NFYC: variants seen among roughly 807,000 people sequenced by gnomAD.
NFYC encodes the protein nuclear transcription factor Y subunit gamma.
A neutral mutation model predicts 53.1 loss-of-function variants in NFYC; 25 were observed. The observed-to-expected ratio is 0.47, with a 90% CI of 0.34 to 0.66. The LOEUF (loss-of-function observed/expected upper bound fraction) is 0.66. Ranked by LOEUF, NFYC falls within the 30% of genes least tolerant of loss-of-function variation. The pLI is 0.01. For missense variants in NFYC, 260 were observed against 422.7 expected (o/e 0.62, Z 3.38); for synonymous variants, 145 against 152.6 (o/e 0.95, Z 0.37).
At chr1:40,704,686 G>C (rs1167700031) in intron 1 of NFYC, among the ~76,000 whole-genome samples, 1 of 152,238 alleles carries the variant, frequency 6.6e-6, no homozygotes, top group African/African-American at 2.4e-5. Context: ...GACCTTCATA[G>C]AGTGTTAAAG....
chr1:40,744,927 A>G (rs1645532716), intron 2 of NFYC, among the ~76,000 whole-genome samples: 1 of 152,220 alleles, frequency 6.6e-6, no homozygotes, highest in Admixed American at 6.5e-5. Flanking sequence ...AGGATTATAG[A>G]AAACTGGGTG....
intron 1 of NFYC, among the ~76,000 whole-genome samples, chr1:40,733,912 G>T (rs34512220): frequency 0.21 from 32,600 of 151,798 alleles, 4,090 homozygotes; most frequent in South Asian, 0.41. Flanking sequence ...CTCGGCTAAT[G>T]TATTTTGTGT....
chr1:40,726,419 G>GTT (rs1035401177), intron 1 of NFYC, among the ~76,000 whole-genome samples: 1 of 144,052 alleles, frequency 6.9e-6, no homozygotes, highest in Non-Finnish European at 1.5e-5. Context: ...CATCTGGCCT[G>GTT]TTTTTTTTTT....
intron 2 of NFYC, among the ~76,000 whole-genome samples, chr1:40,743,145 A>G (rs966505517): frequency 6.6e-6 from 1 of 152,358 alleles, no homozygotes; most frequent in East Asian, 1.9e-4. Flanking sequence ...GATATATTTC[A>G]TGATGTGTTG....
intron 1 of NFYC, chr1:40,735,788 T>C: frequency 1.0e-6 from 1 of 981,522 alleles, no homozygotes; most frequent in Non-Finnish European, 1.2e-6. Context: ...ATTATTATTA[T>C]TTCCAGAAAG....
intron 1 of NFYC, among the ~76,000 whole-genome samples, chr1:40,731,649 T>C (rs569812893): frequency 6.6e-6 from 1 of 151,884 alleles, no homozygotes; most frequent in African/African-American, 2.4e-5. Context: ...CACACCCAGC[T>C]AATTTTTTAT....
At chr1:40,731,011 G>A (rs539438588) in intron 1 of NFYC, among the ~76,000 whole-genome samples, 5 of 152,166 alleles carry the variant, frequency 3.3e-5, no homozygotes, top group Non-Finnish European at 7.4e-5. Context: ...CTTGCATCCC[G>A]AATATGTGCA....
At chr1:40,739,217 C>T (rs1273407456) in intron 2 of NFYC, among the ~76,000 whole-genome samples, 1 of 152,136 alleles carries the variant, frequency 6.6e-6, no homozygotes. Flanking sequence ...GAGGCATATC[C>T]TTTAGGACTT....
At position 40,719,474 on chromosome 1, in the gene NFYC, C is replaced by T. The variant is rs180701045; in HGVS notation, c.-8-19362C>T. Among the ~76,000 whole-genome samples the T allele has an allele frequency of 2.0e-5, 3 of 152,288 alleles. No homozygotes were observed. In the East Asian group the frequency reaches 5.8e-4, roughly 29 times the overall value. On this transcript the variant is annotated intron_variant, in intron 1 of 9. Coordinates refer to ENST00000447388, the MANE Select transcript of NFYC (RefSeq NM_014223.5). The stretch of plus-strand genomic sequence containing the variant: ...GATAGAGTGACTTCCCATCACCAGG[C>T]CCCCAGAAAGTGAACTTGATCCTTT...
intron 1 of NFYC, among the ~76,000 whole-genome samples, chr1:40,713,828 TC>T (rs1644024702): frequency 6.6e-6 from 1 of 152,232 alleles, no homozygotes; most frequent in Non-Finnish European, 1.5e-5. Flanking sequence ...TTTTGGGACT[TC>T]TGTATAGGCT....
In NFYC at chr1:40,701,446, T is replaced by C. The variant is rs12025903; in HGVS notation, c.-9+9579T>C. 4.6e-4 allele frequency among the ~76,000 whole-genome samples: 70 copies of C among 152,354 alleles called. No individual in the cohort carries two copies. In the East Asian group the frequency reaches 0.013, roughly 28 times the overall value. On this transcript the variant is annotated intron_variant, in intron 1 of 9. Transcript: ENST00000447388. ...TAGCTTCTTGCTTCTGGGCTGCTGC[T>C]ATACCAAACAGGAATGTAATACTTT...
intron 1 of NFYC, among the ~76,000 whole-genome samples, chr1:40,734,159 A>G (rs1644907253): frequency 6.6e-6 from 1 of 152,092 alleles, no homozygotes; most frequent in South Asian, 2.1e-4. Flanking sequence ...GGGATTACAG[A>G]CATAAGCCAC....
At chr1:40,727,689 C>A (rs1174669845) in intron 1 of NFYC, among the ~76,000 whole-genome samples, 1 of 152,004 alleles carries the variant, frequency 6.6e-6, no homozygotes, top group Non-Finnish European at 1.5e-5. Flanking sequence ...CACCACCATG[C>A]CCGGCTAATT....
intron 1 of NFYC, among the ~76,000 whole-genome samples, chr1:40,692,661 A>G (rs1034403700): frequency 9.9e-5 from 15 of 152,136 alleles, no homozygotes; most frequent in Admixed American, 6.5e-4. Flanking sequence ...GCATTCAAAC[A>G]CTGAGGTTTT....
chr1:40,739,478 A>G (rs551222581), intron 2 of NFYC, among the ~76,000 whole-genome samples: 8 of 152,164 alleles, frequency 5.3e-5, no homozygotes, highest in Non-Finnish European at 1.2e-4. Flanking sequence ...TCTTATGCAT[A>G]ACAGCATGTT....
chr1:40,712,904 G>A (rs552348394), intron 1 of NFYC: 1 of 151,274 alleles, frequency 6.6e-6, no homozygotes, highest in African/African-American at 2.4e-5. Flanking sequence ...GTCTTGATTT[G>A]TTGCCCAGGC....
chr1:40,747,867 ACT>A (rs1045569338), intron 3 of NFYC, among the ~76,000 whole-genome samples: 3 of 130,820 alleles, frequency 2.3e-5, no homozygotes, highest in Non-Finnish European at 4.8e-5. Flanking sequence ...TGAGAGTTTT[ACT>A]CTGTTATCCA....
intron 1 of NFYC, among the ~76,000 whole-genome samples, chr1:40,705,890 C>T (rs937085684): frequency 3.9e-5 from 6 of 152,044 alleles, no homozygotes; most frequent in African/African-American, 1.4e-4. Context: ...GGACCACAGG[C>T]GTGTGCCACC....
intron 2 of NFYC, among the ~76,000 whole-genome samples, chr1:40,740,690 G>A (rs891430404): frequency 3.9e-5 from 6 of 152,184 alleles, no homozygotes; most frequent in African/African-American, 7.2e-5. Flanking sequence ...AGGATGGGGT[G>A]TTTTGTTCAT....
Sources: allele counts gnomAD v4.1 joint callset (sites outside exome capture counted in the v4.1 genomes callset), GRCh38; gene constraint gnomAD v4.1.1; transcripts MANE v1.5; gene names NCBI Gene and HGNC (gene_info 2026-07-23, HGNC 2026-07-21).